Variants in DLG2 observed in about 807,000 individuals in gnomAD.
DLG2 encodes the protein discs large MAGUK scaffold protein 2.
In DLG2, 45 loss-of-function variants were observed where a neutral mutation model predicts 132.5. The ratio of observed to expected loss-of-function variants is 0.34; its 90% CI spans 0.27 to 0.44. The LOEUF (loss-of-function observed/expected upper bound fraction) is 0.44. DLG2 is among the 20% of genes least tolerant of loss of function. DLG2 has a pLI of 1.00. For synonymous variants in DLG2, 424 were observed against 419.6 expected (o/e 1.01, Z -0.13); for missense variants, 1,045 against 1,196.9 (o/e 0.87, Z 1.87).
chr11:84,811,287 T>C (rs1234165982), intron 6 of DLG2, among the ~76,000 whole-genome samples: 2 of 152,114 alleles, frequency 1.3e-5, no homozygotes, highest in Non-Finnish European at 2.9e-5. Context: ...CATGAGTATG[T>C]TTCTGTGACA....
At chr11:85,420,142 G>T (rs2090177324) in intron 3 of DLG2, among the ~76,000 whole-genome samples, 1 of 152,148 alleles carries the variant, frequency 6.6e-6, no homozygotes, top group South Asian at 2.1e-4. Flanking sequence ...TGTGGATGTT[G>T]ATGCTATTCC....
intron 6 of DLG2, chr11:85,021,255 AG>A: frequency 7.8e-7 from 1 of 1,288,024 alleles, no homozygotes; most frequent in Non-Finnish European, 1.1e-6. Flanking sequence ...TAGGAGGAGG[AG>A]GAGGAGGTAC....
chr11:83,878,052 T>C (rs2065219314), intron 15 of DLG2, among the ~76,000 whole-genome samples: 1 of 152,226 alleles, frequency 6.6e-6, no homozygotes, highest in South Asian at 2.1e-4. Context: ...GATGGAATTC[T>C]GAGAACTGTT....
intron 3 of DLG2, among the ~76,000 whole-genome samples, chr11:85,489,413 C>T (rs1450244866): frequency 6.6e-6 from 1 of 152,040 alleles, no homozygotes; most frequent in Non-Finnish European, 1.5e-5. Context: ...ATTCAGAAAA[C>T]AAATATTATT....
At chr11:85,157,325 C>A (rs1325837071) in intron 4 of DLG2, among the ~76,000 whole-genome samples, 1 of 152,070 alleles carries the variant, frequency 6.6e-6, no homozygotes, top group Non-Finnish European at 1.5e-5. Flanking sequence ...GAAGTCCTTT[C>A]ATTGGTTTGG....
At chr11:83,704,497 TTC>T (rs1158372672) in intron 18 of DLG2, among the ~76,000 whole-genome samples, 2 of 151,652 alleles carry the variant, frequency 1.3e-5, no homozygotes, top group African/African-American at 4.8e-5. Context: ...GAAAAATAGT[TTC>T]TGGTTTTTTC....
At chr11:83,897,438 C>T (rs1405305015) in intron 15 of DLG2, among the ~76,000 whole-genome samples, 1 of 152,182 alleles carries the variant, frequency 6.6e-6, no homozygotes, top group Non-Finnish European at 1.5e-5. Flanking sequence ...TAAACTGATA[C>T]TGAAAGAAAA....
At chr11:84,305,589 C>A (rs1392400757) in intron 7 of DLG2, among the ~76,000 whole-genome samples, 1 of 152,148 alleles carries the variant, frequency 6.6e-6, no homozygotes, top group Non-Finnish European at 1.5e-5. Flanking sequence ...AGAGAGTCAT[C>A]TAGCTAGTTA....
At chr11:83,460,694 G>T (rs1226354693) in intron 27 of DLG2, among the ~76,000 whole-genome samples, 1 of 152,030 alleles carries the variant, frequency 6.6e-6, no homozygotes, top group African/African-American at 2.4e-5. Context: ...ATGACACTAG[G>T]TCTTAAAAAT....
At chr11:85,095,082 C>T (rs2154177830) in intron 6 of DLG2, among the ~76,000 whole-genome samples, 1 of 152,316 alleles carries the variant, frequency 6.6e-6, no homozygotes, top group South Asian at 2.1e-4. Context: ...ACAGAACACA[C>T]ACTTTTATCA....
At chr11:84,278,071 T>TTTTTTTTG (rs2097802399) in intron 7 of DLG2, among the ~76,000 whole-genome samples, 1 of 148,512 alleles carries the variant, frequency 6.7e-6, no homozygotes, top group African/African-American at 2.5e-5. Context: ...TTTTTTTTTT[T>TTTTTTTTG]GAGACAGGGT....
chr11:85,178,075 C>T (rs542559582), intron 4 of DLG2, among the ~76,000 whole-genome samples: 1 of 151,906 alleles, frequency 6.6e-6, no homozygotes, highest in Non-Finnish European at 1.5e-5. Context: ...TAGATCAGAG[C>T]CTGGACCAGC....
intron 6 of DLG2, among the ~76,000 whole-genome samples, chr11:84,706,975 A>C (rs1408665497): frequency 2.0e-5 from 3 of 151,832 alleles, no homozygotes; most frequent in Non-Finnish European, 2.9e-5. Context: ...TTGTACACCA[A>C]TGCCAAATGC....
chr11:85,363,607 A>G (rs1230005644), intron 3 of DLG2, among the ~76,000 whole-genome samples: 1 of 152,206 alleles, frequency 6.6e-6, no homozygotes, highest in African/African-American at 2.4e-5. Context: ...TTGAAAATAA[A>G]TAAGAGAAAG....
At chr11:85,416,564 C>G (rs1424021335) in intron 3 of DLG2, among the ~76,000 whole-genome samples, 1 of 152,132 alleles carries the variant, frequency 6.6e-6, no homozygotes, top group East Asian at 1.9e-4. Flanking sequence ...TTGATTCTTC[C>G]TATCCATCAG....
At chr11:84,772,230 C>T (rs180703414) in intron 6 of DLG2, among the ~76,000 whole-genome samples, 1 of 152,126 alleles carries the variant, frequency 6.6e-6, no homozygotes, top group East Asian at 1.9e-4. Flanking sequence ...CTTAACTATC[C>T]TCAATATATA....
chr11:85,007,396 C>A (rs960148785), intron 6 of DLG2, among the ~76,000 whole-genome samples: 3 of 151,944 alleles, frequency 2.0e-5, no homozygotes, highest in African/African-American at 4.8e-5. Context: ...CGCAGTGGCT[C>A]ACGCCTGTAA....
Position 83,790,071 on chromosome 11 carries a change from G to C in DLG2, c.1723-3279C>G, listed in dbSNP as rs760175295. On this transcript the variant is annotated intron_variant, in intron 17 of 27. Transcript: ENST00000376104. The stretch of plus-strand genomic sequence containing the variant: ...TACTGACATAAAACAAAATGACACA[G>C]GTACTGCAACGAGTGTACCTGCATG... 4.3e-6 allele frequency: 5 copies of C among 1,163,030 alleles called. No homozygotes were observed. The African/African-American group carries it at 7.8e-5, about 18-fold the overall frequency. The allele number at this position is 1,163,030 out of a possible 1,614,324, so 72.0% of individuals were successfully genotyped here. A position where few individuals can be genotyped will look rare whatever the true frequency, so the allele number is the denominator to read the frequency against.
At chr11:83,930,009 G>A (rs1484512891) in intron 15 of DLG2, among the ~76,000 whole-genome samples, 1 of 152,088 alleles carries the variant, frequency 6.6e-6, no homozygotes, top group Non-Finnish European at 1.5e-5. Flanking sequence ...TTCTGTATGA[G>A]TGAAATGGTG....
Sources: gnomAD v4.1 joint callset for allele counts (sites outside exome capture counted in the v4.1 genomes callset) on GRCh38, gnomAD v4.1.1 for gene constraint, MANE v1.5 for transcripts, NCBI Gene and HGNC (gene_info 2026-07-23, HGNC 2026-07-21) for gene names.